FOXO3: variants seen among roughly 807,000 people sequenced by gnomAD.
The protein encoded by FOXO3 is forkhead box protein O3.
In FOXO3, 4 loss-of-function variants were observed where a neutral mutation model predicts 41.9. That is an observed-to-expected ratio of 0.10 (90% confidence interval 0.05 to 0.22). FOXO3 has a LOEUF of 0.22. Ranked by LOEUF, FOXO3 falls within the 10% of genes least tolerant of loss-of-function variation. The pLI is 1.00. For missense variants in FOXO3, 534 were observed against 906.8 expected, an observed-to-expected ratio of 0.59 and a Z score of 5.28; for synonymous variants, 318 against 389.3, an observed-to-expected ratio of 0.82 and a Z score of 2.16.
chr6:108,656,478 C>G, intron 1 of FOXO3: 2 of 985,380 alleles, frequency 2.0e-6, no homozygotes, highest in Non-Finnish European at 2.4e-6. Context: ...GTTTGAAATC[C>G]TTTCCTGGAA....
intron 1 of FOXO3, among the ~76,000 whole-genome samples, chr6:108,616,407 C>T (rs1270436319): frequency 2.0e-5 from 3 of 152,076 alleles, no homozygotes; most frequent in East Asian, 1.9e-4. Context: ...GTGATCCACC[C>T]GCCTCTGCCT....
intron 1 of FOXO3, among the ~76,000 whole-genome samples, chr6:108,655,356 A>G (rs1582819348): frequency 6.6e-6 from 1 of 152,216 alleles, no homozygotes; most frequent in East Asian, 1.9e-4. Flanking sequence ...CCCAGTTCTC[A>G]CCTTTATCTT....
At chr6:108,658,446 A>G (rs968941574) in intron 1 of FOXO3, among the ~76,000 whole-genome samples, 2 of 152,218 alleles carry the variant, frequency 1.3e-5, no homozygotes, top group African/African-American at 4.8e-5. Context: ...CTAAACTGAG[A>G]GTCAAGCAAA....
At chr6:108,560,088 C>G (rs947711153), upstream of FOXO3, 1 of 152,300 alleles carries the variant, frequency 6.6e-6, no homozygotes, top group African/African-American at 2.4e-5. Flanking sequence ...CTGGGCCGGG[C>G]GCTTCCCTTT....
chr6:108,664,219 G>T lies in FOXO3; in HGVS notation c.1386G>T (p.Met462Ile). 6.2e-7 allele frequency: 1 copy of T among 1,610,818 alleles called. No individual in the cohort carries two copies. Residue 462 changes from methionine (M) to isoleucine (I), a missense_variant, in exon 2 of 3, where the codon ATG becomes ATT. Transcript: ENST00000406360. ...QENKPATFSSMSHYGNQTLQD... is the reference protein window; with the variant it reads ...QENKPATFSSISHYGNQTLQD... Reference sequence around the variant, plus strand: ...ACAAGCCAGCTACCTTCTCTTCCATGTCACACTATGGTAACCAGACACTCC... The same window carrying T: ...ACAAGCCAGCTACCTTCTCTTCCATTTCACACTATGGTAACCAGACACTCC...
In FOXO3 at chr6:108,684,398, C is replaced by A. The variant is rs527306500; in HGVS notation, c.*4606C>A. 1 of 152,254 alleles carries A rather than the reference C, an allele frequency of 6.6e-6. No individual in the cohort carries two copies. Among genetic ancestry groups the A allele is most frequent in the East Asian group, 1.9e-4 (1 of 5,186 alleles). The allele number at this position is 152,254 out of a possible 1,614,324, so 9.4% of individuals were successfully genotyped here. A position where few individuals can be genotyped will look rare whatever the true frequency, so the allele number is the denominator to read the frequency against. On this transcript the variant is annotated 3_prime_UTR_variant, in exon 3 of 3. Transcript: ENST00000406360. ...TCTGTAAAAACTATCTTATCTGTTT[C>A]AATTCCTTGCTCATATCCCATATAA...
At chr6:108,603,025 T>G (rs1276878156) in intron 1 of FOXO3, among the ~76,000 whole-genome samples, 1 of 152,172 alleles carries the variant, frequency 6.6e-6, no homozygotes, top group Non-Finnish European at 1.5e-5. Context: ...GATTGAAAAT[T>G]ACTTTCTGGT....
At chr6:108,588,342 T>C (rs1776642755) in intron 1 of FOXO3, among the ~76,000 whole-genome samples, 2 of 152,164 alleles carry the variant, frequency 1.3e-5, no homozygotes, top group Admixed American at 6.5e-5. Flanking sequence ...ATTTTTTTTT[T>C]CTCAAAGCTA....
Position 108,561,158 on chromosome 6 carries a change from G to C in FOXO3, c.-51G>C, listed in dbSNP as rs1006027371. On this transcript the variant is annotated 5_prime_UTR_variant, in exon 1 of 3. Transcript: ENST00000406360. ...CCCTCCCCCGCTGCACCCCGCCCCGGCGCGAGAGGAGAGCGCGAGAGCCCC... is the reference window on the plus strand; with the variant it reads ...CCCTCCCCCGCTGCACCCCGCCCCGCCGCGAGAGGAGAGCGCGAGAGCCCC... The C allele has an allele frequency of 6.7e-6, 10 of 1,502,580 alleles. No homozygotes were observed. The highest frequency in any genetic ancestry group is 5.6e-5 in the East Asian group (2 of 36,022). The allele number at this position is 1,502,580 out of a possible 1,614,324, so 93.1% of individuals were successfully genotyped here. A position where few individuals can be genotyped will look rare whatever the true frequency, so the allele number is the denominator to read the frequency against.
At chr6:108,671,877 A>G (rs1309887845) in intron 2 of FOXO3, among the ~76,000 whole-genome samples, 1 of 152,188 alleles carries the variant, frequency 6.6e-6, no homozygotes, top group Non-Finnish European at 1.5e-5. Flanking sequence ...GTTAAACGAA[A>G]CTAATGCTAC....
chr6:108,565,471 C>CT (rs1409143536), intron 1 of FOXO3, among the ~76,000 whole-genome samples: 13 of 152,324 alleles, frequency 8.5e-5, no homozygotes, highest in Non-Finnish European at 2.9e-5. Flanking sequence ...GGGGAGACCT[C>CT]TAAGGACGCC....
At chr6:108,590,539 T>G (rs943975019) in intron 1 of FOXO3, among the ~76,000 whole-genome samples, 5 of 152,198 alleles carry the variant, frequency 3.3e-5, no homozygotes, top group African/African-American at 1.2e-4. Context: ...AATTTCCTGT[T>G]TAAACCTGGG....
In FOXO3 at chr6:108,683,685, T is replaced by G. The variant is rs1329736813; in HGVS notation, c.*3893T>G. 1 of 79,718 alleles carries G rather than the reference T, an allele frequency of 1.3e-5. No individual in the cohort carries two copies. The highest frequency in any genetic ancestry group is 3.5e-5 in the Non-Finnish European group (1 of 28,686). 4.9% of individuals were successfully genotyped at this position (79,718 alleles called of 1,614,324 possible). A position where few individuals can be genotyped will look rare whatever the true frequency, so the allele number is the denominator to read the frequency against. Reference sequence around the variant, plus strand: ...TGGGTAACAAGAGTGAAACTCCGTGTCAAAAAAAAAAAAAAAATGTTACTC... The same window carrying G: ...TGGGTAACAAGAGTGAAACTCCGTGGCAAAAAAAAAAAAAAAATGTTACTC... On this transcript the variant is annotated 3_prime_UTR_variant, in exon 3 of 3. Transcript: ENST00000406360.
At chr6:108,569,318 G>T (rs1404610727) in intron 1 of FOXO3, among the ~76,000 whole-genome samples, 2 of 152,200 alleles carry the variant, frequency 1.3e-5, no homozygotes, top group Non-Finnish European at 1.5e-5. Flanking sequence ...TGCCCAGACA[G>T]ACCCAGTATC....
chr6:108,604,030 A>AG (rs1430739012), intron 1 of FOXO3, among the ~76,000 whole-genome samples: 1 of 152,194 alleles, frequency 6.6e-6, no homozygotes, highest in Non-Finnish European at 1.5e-5. Context: ...TATGGTATTG[A>AG]GGATGATCAC....
At chr6:108,601,577 TAGAG>T (rs1472838263) in intron 1 of FOXO3, among the ~76,000 whole-genome samples, 1 of 152,216 alleles carries the variant, frequency 6.6e-6, no homozygotes, top group African/African-American at 2.4e-5. Context: ...GGGCTGGGAT[TAGAG>T]GGGTGAGCCA....
chr6:108,593,074 G>A (rs1776773833), intron 1 of FOXO3, among the ~76,000 whole-genome samples: 1 of 152,216 alleles, frequency 6.6e-6, no homozygotes. Context: ...AGTTCTCCAT[G>A]TCTAGTCAGT....
At chr6:108,577,587 T>C (rs1358205474) in intron 1 of FOXO3, among the ~76,000 whole-genome samples, 2 of 152,188 alleles carry the variant, frequency 1.3e-5, no homozygotes, top group African/African-American at 4.8e-5. Flanking sequence ...CTAGGTACCA[T>C]CCTAAGGCAG....
intron 1 of FOXO3, among the ~76,000 whole-genome samples, chr6:108,566,780 G>T (rs1775957109): frequency 6.6e-6 from 1 of 152,126 alleles, no homozygotes; most frequent in African/African-American, 2.4e-5. Context: ...CAAATTGAGG[G>T]GTCCTGAAGA....
Sources: gnomAD v4.1 joint callset for allele counts (sites outside exome capture counted in the v4.1 genomes callset) on GRCh38, gnomAD v4.1.1 for gene constraint, MANE v1.5 for transcripts, NCBI Gene and HGNC (gene_info 2026-07-23, HGNC 2026-07-21) for gene names.